The following UBE3B variants were observed in gnomAD, a reference collection of about 807,000 sequenced individuals.
UBE3B encodes ubiquitin-protein ligase E3B.
A neutral mutation model predicts 132.3 loss-of-function variants in UBE3B; 80 were observed. The ratio of observed to expected loss-of-function variants is 0.60; its 90% CI spans 0.50 to 0.73. The LOEUF is 0.73. UBE3B is among the 30% of genes least tolerant of loss of function. The pLI is 0.00. For synonymous variants in UBE3B, 487 were observed against 520.4 expected (o/e 0.94, Z 0.87); for missense variants, 1,196 against 1,362.5 (o/e 0.88, Z 1.92).
intron 1 of UBE3B, among the ~76,000 whole-genome samples, chr12:109,481,129 C>T (rs11609630): frequency 0.17 from 25,475 of 148,994 alleles, 2,222 homozygotes; most frequent in African/African-American, 0.19. Context: ...AAATGTCAAA[C>T]ATGGCCGGGC....
Position 109,499,577 on chromosome 12 carries a change from G to A in UBE3B, c.941-56G>A, listed in dbSNP as rs140239049. The A allele has an allele frequency of 8.4e-4, 1,228 of 1,458,176 alleles. 17 individuals are homozygous for A. The East Asian group carries it at 0.026, about 30-fold the overall frequency. 90.3% of individuals were successfully genotyped at this position (1,458,176 alleles called of 1,614,324 possible). On this transcript the variant is annotated intron_variant, in intron 11 of 27. Coordinates refer to ENST00000342494, the MANE Select transcript of UBE3B (RefSeq NM_130466.4). ...TGAGCCACAGGCAGGGAGCAGGGCCGGGAGGCACCAAAATGTTTGTCTGGG... is the reference window on the plus strand; with the variant it reads ...TGAGCCACAGGCAGGGAGCAGGGCCAGGAGGCACCAAAATGTTTGTCTGGG...
rs1326277353 is a variant in UBE3B, at chr12:109,528,204, T to C, written c.2628-1686T>C. The C allele has an allele frequency of 2.9e-5, 12 of 408,234 alleles. No homozygotes were observed. The South Asian group carries it at 3.1e-4, about 10-fold the overall frequency. 25.3% of individuals were successfully genotyped at this position (408,234 alleles called of 1,614,324 possible). ...CTAGCAGTGCCAGTTTCTCCCTCTTTAGGGGTGATACTTGATCTTGCACTT... is the reference window on the plus strand; with the variant it reads ...CTAGCAGTGCCAGTTTCTCCCTCTTCAGGGGTGATACTTGATCTTGCACTT... On this transcript the variant is annotated intron_variant, in intron 24 of 27. Transcript: ENST00000342494.
Position 109,507,602 on chromosome 12 carries a change from G to T in UBE3B, c.1489G>T (p.Ala497Ser). Residue 497 changes from alanine to serine, a missense_variant, in exon 15 of 28, where the codon GCA (alanine) becomes TCA (serine). Transcript: ENST00000342494. ...YLDDLLPKLW[A>S]FICELGPHGG... ...TGATGACCTGCTTCCCAAACTGTGG[G>T]CATTTATCTGTGAGCTCGGGCCCCA... The T allele has an allele frequency of 6.2e-7, 1 of 1,614,064 alleles. No individual in the cohort carries two copies. The highest frequency in any genetic ancestry group is 8.5e-7 in the Non-Finnish European group (1 of 1,179,986).
chr12:109,488,824 G>A (rs1876947156), intron 7 of UBE3B, among the ~76,000 whole-genome samples, 156 bp downstream of exon 7: 1 of 152,180 alleles, frequency 6.6e-6, no homozygotes, highest in Non-Finnish European at 1.5e-5. Flanking sequence ...CCATCAGACT[G>A]CATCGCAGTA....
downstream of UBE3B, among the ~76,000 whole-genome samples, chr12:109,539,902 T>C (rs1883574304): frequency 6.6e-6 from 1 of 151,894 alleles, no homozygotes; most frequent in Non-Finnish European, 1.5e-5. Flanking sequence ...CATCATGCTT[T>C]TCTTACCGTG....
chr12:109,525,259 C>T (rs564103367), intron 23 of UBE3B, among the ~76,000 whole-genome samples: 4 of 152,290 alleles, frequency 2.6e-5, no homozygotes, highest in Middle Eastern at 3.4e-3. Flanking sequence ...CAGGCTGGCA[C>T]GTGAAGGCTC....
At position 109,533,595 on chromosome 12, in the gene UBE3B, T is replaced by C. The variant is rs1313541153; in HGVS notation, c.3015+37T>C. ...GGGTGGGTGGGGAAGAGCCTTGACTTCCCTCTTGGTGGTTGTCTGCTGTGC... is the reference window on the plus strand; with the variant it reads ...GGGTGGGTGGGGAAGAGCCTTGACTCCCCTCTTGGTGGTTGTCTGCTGTGC... On this transcript the variant is annotated intron_variant, in intron 27 of 27. Coordinates refer to ENST00000342494, the MANE Select transcript of UBE3B (RefSeq NM_130466.4). 6.4e-6 allele frequency: 10 copies of C among 1,559,774 alleles called. No homozygotes were observed. In the Admixed American group the frequency reaches 1.2e-4, roughly 18 times the overall value.
chr12:109,489,885 A>G (rs756539409), intron 7 of UBE3B, 34 bp from the exon 8 acceptor site: 2 of 1,599,224 alleles, frequency 1.3e-6, no homozygotes, highest in Non-Finnish European at 8.6e-7. Flanking sequence ...TTATGGCAAG[A>G]GACTTTTTTG....
intron 14 of UBE3B, among the ~76,000 whole-genome samples, chr12:109,507,270 A>G (rs1879805715): frequency 6.6e-6 from 1 of 152,226 alleles, no homozygotes; most frequent in Admixed American, 6.5e-5. Flanking sequence ...TCTGTGCTTC[A>G]GTTTCCTCCT....
downstream of UBE3B, among the ~76,000 whole-genome samples, chr12:109,538,504 C>T (rs182746871): frequency 6.6e-6 from 1 of 152,192 alleles, no homozygotes; most frequent in Non-Finnish European, 1.5e-5. This position sits in a 1 kb window ranked among gnomAD's most constrained non-coding sequence, Gnocchi z 4.1. Flanking sequence ...TCTTGATGTC[C>T]CCTCCAGAGC....
intron 9 of UBE3B, among the ~76,000 whole-genome samples, chr12:109,493,229 G>C (rs191277164): frequency 6.6e-6 from 1 of 152,156 alleles, no homozygotes; most frequent in African/African-American, 2.4e-5. Flanking sequence ...AAGTCACCTT[G>C]TGGGGCAGCT....
chr12:109,503,232 GCAGA>G, intron 14 of UBE3B, 42 bp downstream of exon 14: 2 of 1,594,772 alleles, frequency 1.3e-6, no homozygotes, highest in Non-Finnish European at 1.7e-6. Flanking sequence ...CTCACATTTG[GCAGA>G]CAGTTTGTCT....
At chr12:109,497,642 T>A (rs1171273046) in intron 9 of UBE3B, among the ~76,000 whole-genome samples, 176 bp from the exon 10 acceptor site, 1 of 152,188 alleles carries the variant, frequency 6.6e-6, no homozygotes, top group Admixed American at 6.5e-5. Context: ...CATCAGCAAC[T>A]GGACCATCAC....
At chr12:109,500,512 A>G (rs71456694) in intron 12 of UBE3B, among the ~76,000 whole-genome samples, 1,986 of 152,292 alleles carry the variant, frequency 0.013, 20 homozygotes, top group Non-Finnish European at 0.021. Flanking sequence ...CCTGAGTGAC[A>G]TCCCTGGGTC....
chr12:109,526,157 A>G (rs572783543), intron 23 of UBE3B, among the ~76,000 whole-genome samples: 1 of 152,222 alleles, frequency 6.6e-6, no homozygotes, highest in African/African-American at 2.4e-5. Flanking sequence ...TGGGTGAGAA[A>G]AAAACCTTTT....
chr12:109,526,726 C>T (rs964549754), intron 24 of UBE3B, among the ~76,000 whole-genome samples: 2 of 152,094 alleles, frequency 1.3e-5, no homozygotes, highest in African/African-American at 4.8e-5. Context: ...CAAAAATTAG[C>T]TGGGCGTGGT....
chr12:109,538,926 T>C (rs1453612724), downstream of UBE3B, among the ~76,000 whole-genome samples: 3 of 152,112 alleles, frequency 2.0e-5, no homozygotes, highest in Non-Finnish European at 2.9e-5. The surrounding 1 kb of genome is among the most constrained non-coding windows in gnomAD (Gnocchi z 4.1). Context: ...ATACAATCGC[T>C]TGGACTGTGA....
chr12:109,498,463 T>C, intron 11 of UBE3B, 110 bp downstream of exon 11: 1 of 1,283,068 alleles, frequency 7.8e-7, no homozygotes, highest in South Asian at 1.5e-5. Flanking sequence ...CAATTGGAAG[T>C]GCTTACAATA....
intron 19 of UBE3B, chr12:109,520,007 G>GAGT (rs1206451001): frequency 6.6e-6 from 1 of 152,258 alleles, no homozygotes; most frequent in African/African-American, 2.4e-5. Flanking sequence ...TTGTGATGAG[G>GAGT]GGACCAGACG....
Sources: gnomAD v4.1 joint callset for allele counts (sites outside exome capture counted in the v4.1 genomes callset) on GRCh38, gnomAD v4.1.1 for gene constraint, Gnocchi (gnomAD v3.1) non-coding constraint, MANE v1.5 for transcripts, NCBI Gene and HGNC (gene_info 2026-07-23, HGNC 2026-07-21) for gene names.